The following PLGRKT variants were observed in gnomAD, a reference collection of about 807,000 sequenced individuals.
The protein encoded by PLGRKT is plasminogen receptor (KT).
Under a neutral mutation model 18.5 loss-of-function variants are expected in PLGRKT, and 22 were observed. The observed-to-expected ratio is 1.19, with a 90% CI of 0.85 to 1.70. The LOEUF is 1.70. PLGRKT is among the 40% of genes most tolerant of loss of function. PLGRKT has a pLI of 0.00. For missense variants in PLGRKT, 235 were observed against 174.4 expected (o/e 1.35, Z -1.96); for synonymous variants, 72 against 52.8 (o/e 1.36, Z -1.58).
chr9:5,398,736 T>G (rs1368220510), intron 3 of PLGRKT, among the ~76,000 whole-genome samples: 1 of 151,898 alleles, frequency 6.6e-6, no homozygotes, highest in Non-Finnish European at 1.5e-5. Flanking sequence ...TATATCATGT[T>G]TAAAAACTTT....
intron 3 of PLGRKT, among the ~76,000 whole-genome samples, chr9:5,373,054 G>A (rs1817552925): frequency 2.0e-5 from 3 of 152,194 alleles, no homozygotes; most frequent in African/African-American, 7.2e-5. Context: ...GGAATGGACA[G>A]TGTATCTGAT....
rs550822863 is a variant in PLGRKT at position 5,408,419 on chromosome 9, G to A, written c.81+23478C>T. On this transcript the variant is annotated intron_variant, in intron 3 of 5. Transcript: ENST00000223864. ...CCTGCCAAGGGATATGCGCAACTTC[G>A]AGCTTGAGAGTGATGATTTACGGTA... 1.6e-3 allele frequency among the ~76,000 whole-genome samples: 241 copies of A among 152,308 alleles called. 1 individual carries two copies. Among genetic ancestry groups the A allele is most frequent in the African/African-American group, 5.5e-3 (230 of 41,580 alleles).
In PLGRKT at chr9:5,418,965, C is replaced by T. The variant is rs751974217; in HGVS notation, c.81+12932G>A. 2.1e-5 allele frequency: 15 copies of T among 716,766 alleles called. No homozygotes were observed. Among genetic ancestry groups the T allele is most frequent in the South Asian group, 1.0e-4 (6 of 59,688 alleles). The allele number at this position is 716,766 out of a possible 1,614,324, so 44.4% of individuals were successfully genotyped here. The stretch of plus-strand genomic sequence containing the variant: ...CTGACATTCTAGCAGAGTCCTGGGA[C>T]AGCGTCTCCATGGTGGACCCTGAGC... On this transcript the variant is annotated intron_variant, in intron 3 of 5. Transcript: ENST00000223864. This position sits in a 1 kb window ranked among gnomAD's most constrained non-coding sequence, Gnocchi z 4.2.
chr9:5,404,759 T>C (rs1818223457), intron 3 of PLGRKT, among the ~76,000 whole-genome samples: 1 of 152,114 alleles, frequency 6.6e-6, no homozygotes, highest in African/African-American at 2.4e-5. Flanking sequence ...TTCAACATAG[T>C]GTTGGAAGTC....
chr9:5,403,866 G>T (rs1255489101), intron 3 of PLGRKT, among the ~76,000 whole-genome samples: 3 of 152,104 alleles, frequency 2.0e-5, no homozygotes, highest in African/African-American at 7.2e-5. Flanking sequence ...CTGTTCATAG[G>T]TTCCCCCTTA....
At chr9:5,434,399 C>T (rs1180523295) in intron 2 of PLGRKT, among the ~76,000 whole-genome samples, 1 of 144,794 alleles carries the variant, frequency 6.9e-6, no homozygotes, top group African/African-American at 2.6e-5. Flanking sequence ...GGCGTCTCTG[C>T]CTGGCCGCCA....
rs1817717775 is a variant in PLGRKT, at chr9:5,380,358, C to T, written c.82-18470G>A. 5.7e-5 allele frequency among the ~76,000 whole-genome samples: 8 copies of T among 140,502 alleles called. No homozygotes were observed. The Admixed American group carries it at 5.8e-4, about 10-fold the overall frequency. 92.2% of individuals were successfully genotyped at this position (140,502 alleles called of 152,430 possible). A position where few individuals can be genotyped will look rare whatever the true frequency, so the allele number is the denominator to read the frequency against. The stretch of plus-strand genomic sequence containing the variant: ...CTCCAGCCTCGGCCAAACAGCGAGA[C>T]TCTGTCTCAATTAAAAAAAAAAAAA... On this transcript the variant is annotated intron_variant, in intron 3 of 5. Transcript: ENST00000223864.
Position 5,418,905 on chromosome 9 carries a change from G to C in PLGRKT, c.81+12992C>G. 2 of 916,980 alleles carry C rather than the reference G, an allele frequency of 2.2e-6. No homozygotes were observed. Among genetic ancestry groups the C allele is most frequent in the Non-Finnish European group, 3.5e-6 (2 of 570,136 alleles). The allele number at this position is 916,980 out of a possible 1,614,324, so 56.8% of individuals were successfully genotyped here. On this transcript the variant is annotated intron_variant, in intron 3 of 5. Coordinates refer to ENST00000223864, the MANE Select transcript of PLGRKT (RefSeq NM_018465.4). This position sits in a 1 kb window ranked among gnomAD's most constrained non-coding sequence, Gnocchi z 4.2. Reference sequence around the variant, plus strand: ...AGGTGTGCTTGCAATCCAGCAACTTGGCCTTCACTAGGGGCTGCAGTAATT... The same window carrying C: ...AGGTGTGCTTGCAATCCAGCAACTTCGCCTTCACTAGGGGCTGCAGTAATT...
At chr9:5,433,430 G>A (rs74664725) in intron 2 of PLGRKT, among the ~76,000 whole-genome samples, 3 of 150,492 alleles carry the variant, frequency 2.0e-5, no homozygotes, top group African/African-American at 7.4e-5. Context: ...CCCCATCTGG[G>A]AAGTGAGGAG....
intron 3 of PLGRKT, among the ~76,000 whole-genome samples, chr9:5,402,534 A>G (rs1015761473): frequency 3.9e-5 from 6 of 151,926 alleles, no homozygotes; most frequent in African/African-American, 1.2e-4. Context: ...GCTGGGAACC[A>G]CACTGGCTGA....
chr9:5,380,636 T>C (rs780166524), intron 3 of PLGRKT, among the ~76,000 whole-genome samples: 10 of 152,200 alleles, frequency 6.6e-5, no homozygotes, highest in Non-Finnish European at 1.3e-4. Context: ...AGATATACTA[T>C]ATAATTCACT....
At position 5,383,969 on chromosome 9, in the gene PLGRKT, G is replaced by T. The variant is rs58994267; in HGVS notation, c.82-22081C>A. 6.2e-3 allele frequency among the ~76,000 whole-genome samples: 952 copies of T among 152,324 alleles called. 9 individuals are homozygous for T. The highest frequency in any genetic ancestry group is 0.022 in the African/African-American group (898 of 41,578). ...CTTCAGCTTCAGATGTGCTGAATTTGCGGGGCCTGGGAAACAGTCAGGTGT... is the reference window on the plus strand; with the variant it reads ...CTTCAGCTTCAGATGTGCTGAATTTTCGGGGCCTGGGAAACAGTCAGGTGT... On this transcript the variant is annotated intron_variant, in intron 3 of 5. Transcript: ENST00000223864.
intron 3 of PLGRKT, among the ~76,000 whole-genome samples, chr9:5,407,963 C>T (rs931468568): frequency 2.0e-5 from 3 of 152,162 alleles, no homozygotes; most frequent in African/African-American, 7.2e-5. Flanking sequence ...TTTAGTGTTT[C>T]ATTGCCTAAT....
At chr9:5,380,337 A>C (rs1167411064) in intron 3 of PLGRKT, among the ~76,000 whole-genome samples, 1 of 150,892 alleles carries the variant, frequency 6.6e-6, no homozygotes, top group Non-Finnish European at 1.5e-5. Flanking sequence ...ACTGCACTCC[A>C]GCCTCGGCCA....
intron 3 of PLGRKT, among the ~76,000 whole-genome samples, chr9:5,384,902 A>T (rs1817812502): frequency 6.6e-6 from 1 of 152,178 alleles, no homozygotes; most frequent in East Asian, 1.9e-4. Context: ...AAATTAAAAT[A>T]TAATAATTTT....
rs574050277 is a variant in PLGRKT, at chr9:5,363,759, G to A, written c.82-1871C>T. On this transcript the variant is annotated intron_variant, in intron 3 of 5. Transcript: ENST00000223864. ...GGTCATACCAGGGAAAAGATGAACG[G>A]AGAAGGGGAGGAGGAAAGCTGAATT... Among the ~76,000 whole-genome samples the A allele has an allele frequency of 1.1e-4, 16 of 152,276 alleles. No individual in the cohort carries two copies. In the South Asian group the frequency reaches 1.5e-3, roughly 14 times the overall value.
At chr9:5,413,802 A>C (rs1050889061) in intron 3 of PLGRKT, among the ~76,000 whole-genome samples, 2 of 152,264 alleles carry the variant, frequency 1.3e-5, no homozygotes, top group Non-Finnish European at 2.9e-5. Flanking sequence ...TACAGTGTAC[A>C]TACATCATTT....
At chr9:5,424,689 T>TATATATATATACAC (rs1563790070) in intron 3 of PLGRKT, among the ~76,000 whole-genome samples, 21 of 70,860 alleles carry the variant, frequency 3.0e-4, no homozygotes, top group African/African-American at 1.1e-3. Context: ...TATATATATA[T>TATATATATATACAC]ATACACACAG....
chr9:5,377,827 C>T (rs114897369), intron 3 of PLGRKT, among the ~76,000 whole-genome samples: 2,042 of 152,196 alleles, frequency 0.013, 48 homozygotes, highest in African/African-American at 0.045. Flanking sequence ...TTGGGGGAAG[C>T]TTTTATTCTA....
Sources: allele counts gnomAD v4.1 joint callset (sites outside exome capture counted in the v4.1 genomes callset), GRCh38; gene constraint gnomAD v4.1.1; non-coding constraint Gnocchi (gnomAD v3.1); transcripts MANE v1.5; gene names NCBI Gene and HGNC (gene_info 2026-07-23, HGNC 2026-07-21).